LRRC9: variants seen among roughly 807,000 people sequenced by gnomAD.
LRRC9 encodes leucine-rich repeat-containing protein 9.
In LRRC9, 122 loss-of-function variants were observed where a neutral mutation model predicts 63.2. The observed-to-expected ratio is 1.93, with a 90% CI of 1.67 to 2.24. The LOEUF (loss-of-function observed/expected upper bound fraction) is 2.24, where lower values mean the gene tolerates loss of function less well. Among genes scored for constraint, LRRC9 ranks in the 30% most tolerant of loss-of-function variants. The pLI, the probability that LRRC9 is intolerant of heterozygous loss-of-function variation, is 0.00. For missense variants in LRRC9, 1,071 were observed against 627.7 expected, an observed-to-expected ratio of 1.71 and a Z score of -7.55; for synonymous variants, 366 against 213.1, an observed-to-expected ratio of 1.72 and a Z score of -6.25.
At chr14:59,944,228 G>C (rs965613283) in intron 7 of LRRC9, among the ~76,000 whole-genome samples, 1 of 151,854 alleles carries the variant, frequency 6.6e-6, no homozygotes, top group African/African-American at 2.4e-5. Flanking sequence ...TATTCCCTGA[G>C]TTAATCAAAT....
intron 17 of LRRC9, among the ~76,000 whole-genome samples, chr14:59,997,332 C>G (rs1426841346): frequency 6.6e-6 from 1 of 151,930 alleles, no homozygotes; most frequent in African/African-American, 2.4e-5. Context: ...AAACAAGAAG[C>G]CTATATATTA....
In LRRC9 at chr14:59,977,255, G is replaced by GC; in HGVS notation, c.1672dup (p.Gln558ProfsTer7). ...CTCCTCATTACAAAAGTTTTCCTTG[G>GC]CCAGAGTGTTCAGGCCCATGAAAAA... On this transcript the variant is annotated frameshift_variant, in exon 14 of 32. Transcript: ENST00000445360. LOFTEE classifies it high-confidence loss of function. 1.4e-6 allele frequency: 1 copy of GC among 691,350 alleles called. No individual in the cohort carries two copies. Among genetic ancestry groups the GC allele is most frequent in the Non-Finnish European group, 2.6e-6 (1 of 380,996 alleles). The allele number at this position is 691,350 out of a possible 1,614,324, so 42.8% of individuals were successfully genotyped here.
intron 6 of LRRC9, among the ~76,000 whole-genome samples, chr14:59,935,007 C>T (rs1044048033): frequency 2.0e-5 from 3 of 151,530 alleles, no homozygotes; most frequent in Non-Finnish European, 4.4e-5. Flanking sequence ...GATATAAGGC[C>T]GGGCATGGTG....
chr14:59,956,524 T>C (rs1883771842), intron 8 of LRRC9, among the ~76,000 whole-genome samples: 2 of 152,234 alleles, frequency 1.3e-5, no homozygotes, highest in African/African-American at 2.4e-5. Context: ...TTTGAGCCTA[T>C]GTGTGTCTTT....
At chr14:59,937,824 A>C (rs980628075) in intron 6 of LRRC9, among the ~76,000 whole-genome samples, 1 of 152,154 alleles carries the variant, frequency 6.6e-6, no homozygotes, top group Admixed American at 6.6e-5. Flanking sequence ...TGAGGCCCTC[A>C]AAAGAAAGTT....
chr14:59,928,274 T>C (rs530880728), exon 3 of LRRC9: 1 of 595,406 alleles, frequency 1.7e-6, no homozygotes, highest in East Asian at 2.8e-5. Context: ...ACAGTGTTTG[T>C]GCAATGGCTT....
chr14:60,000,020 T>A (rs1889197331), intron 19 of LRRC9, among the ~76,000 whole-genome samples: 1 of 152,028 alleles, frequency 6.6e-6, no homozygotes, highest in Non-Finnish European at 1.5e-5. Flanking sequence ...CTATTCACAA[T>A]AGCGAAATCA....
chr14:59,934,358 T>C (rs1381054600), intron 6 of LRRC9, among the ~76,000 whole-genome samples: 4 of 152,074 alleles, frequency 2.6e-5, no homozygotes, highest in Non-Finnish European at 5.9e-5. Flanking sequence ...AGAGAATGTA[T>C]CTGGTTCTGG....
intron 1 of LRRC9, among the ~76,000 whole-genome samples, chr14:59,925,348 C>T (rs1415618870): frequency 6.6e-6 from 1 of 152,108 alleles, no homozygotes; most frequent in Admixed American, 6.5e-5. Flanking sequence ...TGTCTGCTTC[C>T]ACGATGATGC....
chr14:59,996,444 T>C (rs186177125), intron 17 of LRRC9, among the ~76,000 whole-genome samples: 4 of 152,314 alleles, frequency 2.6e-5, no homozygotes, highest in Non-Finnish European at 4.4e-5. Flanking sequence ...AAGGAATGAC[T>C]AATTCCATTC....
At chr14:60,011,614 C>T (rs112175620) in intron 23 of LRRC9, among the ~76,000 whole-genome samples, 30 of 151,962 alleles carry the variant, frequency 2.0e-4, no homozygotes, top group Non-Finnish European at 3.7e-4. Context: ...TGTAAGCTGC[C>T]ACAAATTATT....
In LRRC9 at chr14:60,027,496, ATAAT is replaced by A. The variant is rs1891653254; in HGVS notation, c.3704-384_3704-381del. On this transcript the variant is annotated intron_variant, in intron 27 of 31. Transcript: ENST00000445360. This position sits in a 1 kb window ranked among gnomAD's most constrained non-coding sequence, Gnocchi z 4.0. Reference sequence around the variant, plus strand: ...ACAACAAATTAGTCTATTTTAAGAAATAATTAAATATACTATTGTAATATCTATT... The same window carrying A: ...ACAACAAATTAGTCTATTTTAAGAAATAAATATACTATTGTAATATCTATT... Among the ~76,000 whole-genome samples the A allele has an allele frequency of 6.6e-6, 1 of 152,088 alleles. No individual in the cohort carries two copies. The highest frequency in any genetic ancestry group is 1.5e-5 in the Non-Finnish European group (1 of 67,988).
intron 29 of LRRC9, among the ~76,000 whole-genome samples, chr14:60,050,050 G>T (rs1368413360): frequency 6.6e-6 from 1 of 151,992 alleles, no homozygotes; most frequent in African/African-American, 2.4e-5. Context: ...AGGCTGGAGT[G>T]CAGTGGCACA....
At position 59,943,107 on chromosome 14, in the gene LRRC9, T is replaced by C. The variant is rs181759464; in HGVS notation, c.727-1482T>C. Among the ~76,000 whole-genome samples the C allele has an allele frequency of 3.7e-4, 56 of 152,190 alleles. No homozygotes were observed. In the East Asian group the frequency reaches 7.5e-3, roughly 20 times the overall value. On this transcript the variant is annotated intron_variant, in intron 7 of 31. Transcript: ENST00000445360. ...GAGTAGTTTGCAAATATTTTCTCCC[T>C]TCCATAGGTTGTCTCTTCACTCTGT...
intron 21 of LRRC9, among the ~76,000 whole-genome samples, chr14:60,005,909 T>C (rs1889766152): frequency 6.6e-6 from 1 of 152,058 alleles, no homozygotes; most frequent in African/African-American, 2.4e-5. Flanking sequence ...TTTCCAAACT[T>C]CCATCTTAGA....
intron 8 of LRRC9, among the ~76,000 whole-genome samples, chr14:59,957,349 T>G (rs1451647466): frequency 1.3e-5 from 2 of 152,114 alleles, no homozygotes; most frequent in African/African-American, 4.8e-5. Flanking sequence ...TGCTCTAATC[T>G]TGTCTTCATG....
chr14:59,938,776 TG>T lies in LRRC9; in HGVS notation c.726+206del, dbSNP rs1300332369. Among the ~76,000 whole-genome samples, 1 of 150,912 alleles carries T rather than the reference TG, an allele frequency of 6.6e-6. No homozygotes were observed. Among genetic ancestry groups the T allele is most frequent in the Non-Finnish European group, 1.5e-5 (1 of 67,752 alleles). ...AGAATCTTAATTTTGATGACAGTACTGGAAGGTGAAATAATAGAATAATAAT... is the reference window on the plus strand; with the variant it reads ...AGAATCTTAATTTTGATGACAGTACTGAAGGTGAAATAATAGAATAATAAT... On this transcript the variant is annotated intron_variant, in intron 7 of 31. Coordinates refer to ENST00000445360, the Ensembl canonical transcript of LRRC9. This position sits in a 1 kb window ranked among gnomAD's most constrained non-coding sequence, Gnocchi z 4.2.
In LRRC9 at chr14:59,958,763, C is replaced by T. The variant is rs557643247; in HGVS notation, c.883-1055C>T. Among the ~76,000 whole-genome samples the T allele has an allele frequency of 5.3e-5, 8 of 152,324 alleles. No individual in the cohort carries two copies. Among genetic ancestry groups the T allele is most frequent in the East Asian group, 1.9e-4 (1 of 5,184 alleles). ...ACAGAGCCCTGGTGGTATAGGCACA[C>T]GAGGGAATCTCCTGATCTGCAGATT... On this transcript the variant is annotated intron_variant, in intron 8 of 31. Transcript: ENST00000445360. This position sits in a 1 kb window ranked among gnomAD's most constrained non-coding sequence, Gnocchi z 4.0.
intron 17 of LRRC9, among the ~76,000 whole-genome samples, chr14:59,995,157 G>C (rs760650888): frequency 1.8e-4 from 28 of 152,124 alleles, no homozygotes; most frequent in South Asian, 1.2e-3. Context: ...TCATATAGTT[G>C]TATGGAATTT....
Sources: gnomAD v4.1 joint callset for allele counts (sites outside exome capture counted in the v4.1 genomes callset) on GRCh38, gnomAD v4.1.1 for gene constraint, Gnocchi (gnomAD v3.1) non-coding constraint, MANE v1.5 for transcripts, NCBI Gene and HGNC (gene_info 2026-07-23, HGNC 2026-07-21) for gene names.